Variants in ANO4 observed in about 807,000 individuals in gnomAD.
ANO4 encodes the protein anoctamin 4.
Under a neutral mutation model 141.9 loss-of-function variants are expected in ANO4, and 69 were observed. The ratio of observed to expected loss-of-function variants is 0.49; its 90% CI spans 0.40 to 0.59. ANO4 has a LOEUF of 0.59. Ranked by LOEUF, ANO4 falls within the 20% of genes least tolerant of loss-of-function variation. The pLI is 0.00. For missense variants in ANO4, 894 were observed against 1,162.2 expected (o/e 0.77, Z 3.36); for synonymous variants, 350 against 394.3 (o/e 0.89, Z 1.33).
chr12:100,728,875 A>G (rs1036857933), intron 1 of ANO4, among the ~76,000 whole-genome samples: 10 of 152,166 alleles, frequency 6.6e-5, no homozygotes, highest in African/African-American at 2.4e-4. Context: ...GTGTAATGTA[A>G]TATATAATTA....
intron 2 of ANO4, among the ~76,000 whole-genome samples, chr12:100,921,172 T>C (rs969386782): frequency 5.3e-5 from 8 of 152,130 alleles, no homozygotes; most frequent in Non-Finnish European, 8.8e-5. Flanking sequence ...GCTCCTGTTC[T>C]AAGTGCTTGG....
chr12:101,037,189 G>A (rs752066873), intron 10 of ANO4, 39 bp downstream of exon 10: 29 of 1,593,830 alleles, frequency 1.8e-5, no homozygotes, highest in South Asian at 3.3e-5. Flanking sequence ...TCTTTCAATC[G>A]TTTGTTACTA....
intron 1 of ANO4, among the ~76,000 whole-genome samples, chr12:100,721,534 G>A (rs2030867161): frequency 6.6e-6 from 1 of 152,140 alleles, no homozygotes; most frequent in African/African-American, 2.4e-5. Flanking sequence ...CTAGTAGCAT[G>A]GTGCTGGTAG....
intron 3 of ANO4, among the ~76,000 whole-genome samples, chr12:100,741,893 A>C (rs1341698318): frequency 6.6e-6 from 1 of 152,092 alleles, no homozygotes; most frequent in Non-Finnish European, 1.5e-5. Flanking sequence ...TTTTTTGGCA[A>C]AGAGGGGTGT....
chr12:100,975,640 C>T (rs995651626), intron 7 of ANO4, among the ~76,000 whole-genome samples: 1 of 151,794 alleles, frequency 6.6e-6, no homozygotes, highest in Non-Finnish European at 1.5e-5. Flanking sequence ...AGGGTTTCAC[C>T]GTGTTGGCCA....
At chr12:100,856,321 A>G (rs1475262926) in intron 1 of ANO4, among the ~76,000 whole-genome samples, 6 of 152,222 alleles carry the variant, frequency 3.9e-5, no homozygotes, top group Non-Finnish European at 8.8e-5. Context: ...TTTATAGATG[A>G]AAACAATTTC....
intron 1 of ANO4, among the ~76,000 whole-genome samples, chr12:100,885,808 T>C (rs10778084): frequency 0.39 from 58,875 of 152,000 alleles, 11,820 homozygotes; most frequent in African/African-American, 0.48. Flanking sequence ...AAGTTGCAGC[T>C]TCTCTCAAAG....
At position 100,743,190 on chromosome 12, in the gene ANO4, C is replaced by T. The variant is rs539792639; in HGVS notation, c.358+3085C>T. ...AGTGTGGTGTTAAGATAGATGATTT[C>T]ACAAGACGTGATCACATATGTTTTT... On this transcript the variant is annotated intron_variant, in intron 3 of 29. Transcript: ENST00000644049. Among the ~76,000 whole-genome samples, 17 of 151,984 alleles carry T rather than the reference C, an allele frequency of 1.1e-4. No individual in the cohort carries two copies. The South Asian group carries it at 2.7e-3, about 24-fold the overall frequency.
chr12:100,750,282 C>T (rs565903455), intron 3 of ANO4, among the ~76,000 whole-genome samples: 1 of 151,798 alleles, frequency 6.6e-6, no homozygotes, highest in African/African-American at 2.4e-5. Context: ...CAGGCATGCA[C>T]CAACACACCT....
Position 101,083,792 on chromosome 12 carries a change from G to T in ANO4, c.1510G>T (p.Val504Phe). The T allele has an allele frequency of 6.4e-7, 1 of 1,569,912 alleles. No homozygotes were observed. The highest frequency in any genetic ancestry group is 1.7e-4 in the Middle Eastern group (1 of 5,950). The change falls in exon 16 of 28, where the codon GTT becomes TTT. Residue 504 changes from valine to phenylalanine, a missense_variant. Physicochemically the swap from Val to Phe is conservative, Grantham distance 50. Coordinates refer to ENST00000392977, the MANE Select transcript of ANO4 (RefSeq NM_001286615.2). ...TACAGATAAATGCAGCAGACTTATCGTTTCTGCATCTGGAATATTTTTTAT... is the reference window on the plus strand; with the variant it reads ...TACAGATAAATGCAGCAGACTTATCTTTTCTGCATCTGGAATATTTTTTAT... ...AFTDKCSRLI[V>F]SASGIFFMIC...
chr12:100,782,120 G>A (rs2033728498), intron 3 of ANO4, among the ~76,000 whole-genome samples: 2 of 152,032 alleles, frequency 1.3e-5, no homozygotes, highest in African/African-American at 4.8e-5. Context: ...AGTATCTCCT[G>A]GGGACCTTTC....
chr12:100,989,750 TATGGATGGATGG>T (rs370125379), intron 8 of ANO4, among the ~76,000 whole-genome samples: 55 of 115,492 alleles, frequency 4.8e-4, no homozygotes, highest in African/African-American at 5.6e-4. Flanking sequence ...TGGATGGATA[TATGGATGGATGG>T]ATGGATGGAT....
chr12:101,040,134 T>G (rs1277717869), intron 11 of ANO4, 58 bp downstream of exon 11: 66 of 1,519,282 alleles, frequency 4.3e-5, no homozygotes, highest in Non-Finnish European at 5.4e-5. Context: ...GGGCAGACTG[T>G]CAGCTGGGAC....
At chr12:100,767,083 G>A (rs922985682) in intron 3 of ANO4, among the ~76,000 whole-genome samples, 10 of 152,072 alleles carry the variant, frequency 6.6e-5, no homozygotes, top group Non-Finnish European at 1.3e-4. Flanking sequence ...CAGCTTATGT[G>A]TGTCCTTAAA....
intron 1 of ANO4, among the ~76,000 whole-genome samples, chr12:100,862,722 C>A (rs1330832544): frequency 1.3e-5 from 2 of 152,166 alleles, no homozygotes; most frequent in Non-Finnish European, 2.9e-5. Context: ...AGTATCACTG[C>A]AAACATGTGA....
At chr12:100,819,110 T>G (rs1037829132) in intron 1 of ANO4, among the ~76,000 whole-genome samples, 6 of 141,076 alleles carry the variant, frequency 4.3e-5, no homozygotes, top group Admixed American at 2.1e-4. Context: ...AGTAATGACA[T>G]TAGATGAATT....
chr12:100,727,875 C>G (rs1019386962), intron 1 of ANO4, among the ~76,000 whole-genome samples: 1 of 152,080 alleles, frequency 6.6e-6, no homozygotes, highest in Admixed American at 6.5e-5. Flanking sequence ...TCTATTTCTG[C>G]TGTTTTAATA....
At chr12:100,851,343 A>G (rs2037861600) in intron 1 of ANO4, among the ~76,000 whole-genome samples, 1 of 152,094 alleles carries the variant, frequency 6.6e-6, no homozygotes, top group South Asian at 2.1e-4. Context: ...TTTTTGTTAA[A>G]TATCTATCCC....
Position 100,799,084 on chromosome 12 carries a change from C to A in ANO4, c.-141+4057C>A, listed in dbSNP as rs531119761. On this transcript the variant is annotated intron_variant, in intron 1 of 27. Coordinates refer to ENST00000392977, the MANE Select transcript of ANO4 (RefSeq NM_001286615.2). ...GAGATATCTTCAAGCCCCTTGGATT[C>A]CAGTTCAGCCCCCACCACTAACTGG... Among the ~76,000 whole-genome samples the A allele has an allele frequency of 6.6e-5, 10 of 152,330 alleles. No homozygotes were observed. The East Asian group carries it at 1.9e-3, about 29-fold the overall frequency.
Sources: allele counts gnomAD v4.1 joint callset (sites outside exome capture counted in the v4.1 genomes callset), GRCh38; gene constraint gnomAD v4.1.1; transcripts MANE v1.5; gene names NCBI Gene and HGNC (gene_info 2026-07-23, HGNC 2026-07-21).